The following COL27A1 variants were observed in gnomAD, a reference collection of about 807,000 sequenced individuals.
COL27A1 encodes the protein collagen type XXVII alpha 1 chain, also known as collagen alpha-1(XXVII) chain.
A neutral mutation model predicts 251.3 loss-of-function variants in COL27A1; 106 were observed. That is an observed-to-expected ratio of 0.42 (90% confidence interval 0.36 to 0.50). The LOEUF (loss-of-function observed/expected upper bound fraction) is 0.50. Ranked by LOEUF, COL27A1 falls within the 20% of genes least tolerant of loss-of-function variation. The pLI, the probability that COL27A1 is intolerant of heterozygous loss-of-function variation, is 0.00. For synonymous variants in COL27A1, 1,000 were observed against 986.3 expected, an observed-to-expected ratio of 1.01 and a Z score of -0.26; for missense variants, 2,325 against 2,522.8, an observed-to-expected ratio of 0.92 and a Z score of 1.68.
intron 5 of COL27A1, among the ~76,000 whole-genome samples, chr9:114,193,333 T>C (rs975171090): frequency 1.3e-5 from 2 of 152,146 alleles, no homozygotes; most frequent in African/African-American, 4.8e-5. Flanking sequence ...CTGGTGAACC[T>C]GTGGGCCCTT....
intron 5 of COL27A1, among the ~76,000 whole-genome samples, chr9:114,192,658 C>T (rs1342335135): frequency 6.6e-6 from 1 of 152,192 alleles, no homozygotes; most frequent in African/African-American, 2.4e-5. Context: ...AAGGCCAGCC[C>T]AGGCTGGGAC....
At chr9:114,154,226 G>A (rs1014414638), upstream of COL27A1, among the ~76,000 whole-genome samples, 2 of 152,016 alleles carry the variant, frequency 1.3e-5, no homozygotes, top group Admixed American at 1.3e-4. The surrounding 1 kb of genome is among the most constrained non-coding windows in gnomAD (Gnocchi z 5.8). Flanking sequence ...TCCCGGTGCC[G>A]CTGCGCTCCG....
intron 17 of COL27A1, among the ~76,000 whole-genome samples, chr9:114,236,695 G>A (rs1832421899): frequency 2.0e-5 from 3 of 152,178 alleles, no homozygotes; most frequent in Admixed American, 1.3e-4. Context: ...GAGTTCCCCA[G>A]GAGTCAGAGG....
chr9:114,297,917 C>A (rs2131648914), intron 49 of COL27A1, among the ~76,000 whole-genome samples: 1 of 152,196 alleles, frequency 6.6e-6, no homozygotes, highest in African/African-American at 2.4e-5. Context: ...TGTCTATACA[C>A]TAGCAATGAA....
At chr9:114,221,530 T>G (rs1197454070) in intron 13 of COL27A1, among the ~76,000 whole-genome samples, 2 of 152,242 alleles carry the variant, frequency 1.3e-5, no homozygotes, top group African/African-American at 4.8e-5. Context: ...TGGAGTTTTA[T>G]TCTCACTTTT....
At chr9:114,189,722 T>A (rs897561674) in intron 5 of COL27A1, among the ~76,000 whole-genome samples, 12 of 152,232 alleles carry the variant, frequency 7.9e-5, no homozygotes, top group African/African-American at 2.9e-4. Context: ...AGGTTTATAC[T>A]TAGAAATTTT....
chr9:114,301,102 A>C lies in COL27A1; in HGVS notation c.4732A>C (p.Ile1578Leu). 1 of 1,613,376 alleles carries C rather than the reference A, an allele frequency of 6.2e-7. No homozygotes were observed. The highest frequency in any genetic ancestry group is 8.5e-7 in the Non-Finnish European group (1 of 1,179,634). The change falls in exon 52 of 61, where the codon ATC becomes CTC. Residue 1578 changes from isoleucine (I) to leucine (L), a missense_variant. Physicochemically the swap from Ile to Leu is conservative, Grantham distance 5 (BLOSUM62 2). This residue lies in a region of COL27A1 where 327 missense variants were observed against 442.8 expected (regional missense o/e 0.74). Transcript: ENST00000356083. ...GGAAGGCATCGTCGGGCCCCTCGGA[A>C]TCCTGGGACCTTCGGGACTCCCGGT... ...GKEGIVGPLG[I>L]LGPSGLPGPK...
At chr9:114,300,173 CCATT>C (rs766538373) in intron 50 of COL27A1, 50 bp downstream of exon 50, 2 of 1,534,544 alleles carry the variant, frequency 1.3e-6, no homozygotes, top group Non-Finnish European at 1.8e-6. Flanking sequence ...TCCATTCACC[CCATT>C]CATTCATTTA....
At chr9:114,163,779 T>A (rs763326351) in intron 2 of COL27A1, among the ~76,000 whole-genome samples, 3 of 150,128 alleles carry the variant, frequency 2.0e-5, no homozygotes, top group Non-Finnish European at 4.4e-5. Flanking sequence ...TTTGTGCAAA[T>A]GTCATATTTT....
intron 3 of COL27A1, among the ~76,000 whole-genome samples, chr9:114,172,508 A>C (rs551365864): frequency 1.3e-5 from 2 of 152,302 alleles, no homozygotes; most frequent in African/African-American, 4.8e-5. Context: ...TTATTTGCAT[A>C]TAAAGCTGTA....
intron 11 of COL27A1, 76 bp downstream of exon 11, chr9:114,209,804 C>G (rs945695405): frequency 7.0e-7 from 1 of 1,426,914 alleles, no homozygotes; most frequent in African/African-American, 1.4e-5. Flanking sequence ...CAGGCACCAG[C>G]CTGGGGAAGT....
chr9:114,301,017 T>A, intron 51 of COL27A1, 55 bp from the exon 52 acceptor site: 1 of 1,537,632 alleles, frequency 6.5e-7, no homozygotes, highest in Non-Finnish European at 8.8e-7. Flanking sequence ...CCGCTCCCCG[T>A]GTCTGTTCCC....
At chr9:114,161,283 T>C (rs891726) in intron 1 of COL27A1, among the ~76,000 whole-genome samples, 1 of 152,162 alleles carries the variant, frequency 6.6e-6, no homozygotes, top group African/African-American at 2.4e-5. Flanking sequence ...CTAACAGGCA[T>C]CCCTCACCTC....
chr9:114,300,248 G>T, intron 50 of COL27A1, 125 bp downstream of exon 50: 1 of 943,812 alleles, frequency 1.1e-6, no homozygotes, highest in Non-Finnish European at 1.6e-6. Context: ...CCAGAATCAG[G>T]CATGAACACC....
chr9:114,244,162 C>T (rs987530833), intron 23 of COL27A1, among the ~76,000 whole-genome samples: 4 of 151,962 alleles, frequency 2.6e-5, no homozygotes, highest in African/African-American at 9.7e-5. Context: ...CACCTGTAAT[C>T]GCAGCACTTT....
chr9:114,245,406 C>T (rs1487990982), intron 23 of COL27A1, among the ~76,000 whole-genome samples: 1 of 152,106 alleles, frequency 6.6e-6, no homozygotes, highest in Non-Finnish European at 1.5e-5. Flanking sequence ...ATTCGCCTGC[C>T]TCGGGTTCCC....
intron 36 of COL27A1, 37 bp from the exon 37 acceptor site, chr9:114,275,622 TTC>T (rs143442582): frequency 6.3e-4 from 870 of 1,378,640 alleles, no homozygotes; most frequent in Admixed American, 8.7e-4. Context: ...AACTAACTTA[TTC>T]TCTCTCTCTC....
At chr9:114,255,495 G>C (rs146335174) in intron 27 of COL27A1, among the ~76,000 whole-genome samples, 3 of 152,304 alleles carry the variant, frequency 2.0e-5, no homozygotes, top group African/African-American at 4.8e-5. Flanking sequence ...GAGTCACTGG[G>C]ACACAATGGA....
In COL27A1 at chr9:114,209,908, G is replaced by A. The variant is rs138488667; in HGVS notation, c.2322+180G>A. Among the ~76,000 whole-genome samples, 370 of 152,352 alleles carry A rather than the reference G, an allele frequency of 2.4e-3. 3 individuals carry two copies. Among genetic ancestry groups the A allele is most frequent in the African/African-American group, 8.5e-3 (355 of 41,586 alleles). On this transcript the variant is annotated intron_variant, in intron 11 of 60. Coordinates refer to ENST00000356083, the MANE Select transcript of COL27A1 (RefSeq NM_032888.4). Reference sequence around the variant, plus strand: ...AGATGCATTCCAGGCATAGGGAACAGCATGTGCGAAGTCAGGGATTTACGG... The same window carrying A: ...AGATGCATTCCAGGCATAGGGAACAACATGTGCGAAGTCAGGGATTTACGG...
Sources: gnomAD v4.1 joint callset for allele counts (sites outside exome capture counted in the v4.1 genomes callset) on GRCh38, gnomAD v4.1.1 for gene constraint, gnomAD v4.1.1 regional missense constraint, Gnocchi (gnomAD v3.1) non-coding constraint, MANE v1.5 for transcripts, NCBI Gene and HGNC (gene_info 2026-07-23, HGNC 2026-07-21) for gene names.